The following SLC17A3 variants were observed in gnomAD, a reference collection of about 807,000 sequenced individuals.
The protein encoded by SLC17A3 is solute carrier family 17 member 3.
In SLC17A3, 61 loss-of-function variants were observed where a neutral mutation model predicts 60.3. The observed-to-expected ratio is 1.01, with a 90% CI of 0.82 to 1.25. SLC17A3 has a LOEUF of 1.25. Among genes scored for constraint, SLC17A3 ranks in the 50% most tolerant of loss-of-function variants. The probability of loss-of-function intolerance (pLI) is 0.00; values close to 1 mark genes in which losing one functional copy is unlikely to be tolerated. For synonymous variants in SLC17A3, 192 were observed against 208.9 expected (o/e 0.92, Z 0.70); for missense variants, 624 against 594.9 (o/e 1.05, Z -0.51).
At chr6:25,862,104 C>T in intron 3 of SLC17A3, 75 bp from the exon 4 acceptor site, 1 of 1,406,736 alleles carries the variant, frequency 7.1e-7, no homozygotes, top group South Asian at 1.3e-5. Context: ...CTCCTTTAGA[C>T]CTTTTGCTTG....
intron 6 of SLC17A3, among the ~76,000 whole-genome samples, chr6:25,854,004 G>T (rs562623750): frequency 3.9e-5 from 6 of 152,014 alleles, no homozygotes; most frequent in Admixed American, 6.5e-5. Context: ...AATATTTAGG[G>T]TATTTCCAGA....
chr6:25,855,128 G>A lies in SLC17A3; in HGVS notation c.712+16C>T. On this transcript the variant is annotated intron_variant, in intron 6 of 12. Coordinates refer to ENST00000397060, the MANE Select transcript of SLC17A3 (RefSeq NM_001098486.2). ...TCTGCATATGAAACTCAGGGAACTGGGAGATAGTAGCTTACCAAAGATATA... is the reference window on the plus strand; with the variant it reads ...TCTGCATATGAAACTCAGGGAACTGAGAGATAGTAGCTTACCAAAGATATA... 1.3e-6 allele frequency: 2 copies of A among 1,537,280 alleles called. No homozygotes were observed. The highest frequency in any genetic ancestry group is 1.1e-5 in the South Asian group (1 of 89,200).
chr6:25,845,814 T>G (rs1765165033), intron 11 of SLC17A3, among the ~76,000 whole-genome samples: 1 of 152,240 alleles, frequency 6.6e-6, no homozygotes, highest in African/African-American at 2.4e-5. Context: ...GAGAATCCTT[T>G]CAAGATTCTT....
rs376483140 is a variant in SLC17A3, at chr6:25,861,983, C to A, written c.350G>T (p.Gly117Val). 1 of 1,611,548 alleles carries A rather than the reference C, an allele frequency of 6.2e-7. No individual in the cohort carries two copies. The highest frequency in any genetic ancestry group is 1.7e-5 in the Admixed American group (1 of 59,640). Residue 117 changes from glycine (G) to valine (V), a missense_variant, in exon 4 of 13, where the codon GGT becomes GTT. Coordinates refer to ENST00000397060, the MANE Select transcript of SLC17A3 (RefSeq NM_001098486.2). Reference protein sequence around the residue: ...WSPQIQGIIFGAVGYGGILTM... With the variant: ...WSPQIQGIIFVAVGYGGILTM... The stretch of plus-strand genomic sequence containing the variant: ...CAGTATGCCACCATAGCCAACAGCA[C>A]CAAAGATGATGCCTTGGATTTGAGG...
intron 6 of SLC17A3, among the ~76,000 whole-genome samples, chr6:25,851,770 A>G (rs1765281734): frequency 6.6e-6 from 1 of 152,092 alleles, no homozygotes; most frequent in Admixed American, 6.5e-5. Context: ...TGTTTATGTC[A>G]ATACCACTCT....
At chr6:25,866,288 C>A (rs1765535197) in intron 2 of SLC17A3, among the ~76,000 whole-genome samples, 1 of 152,016 alleles carries the variant, frequency 6.6e-6, no homozygotes, top group South Asian at 2.1e-4. Flanking sequence ...CCTCTAAGAC[C>A]TGAGAATGGC....
At chr6:25,848,266 A>T (rs901995256) in intron 11 of SLC17A3, among the ~76,000 whole-genome samples, 2 of 152,244 alleles carry the variant, frequency 1.3e-5, no homozygotes, top group East Asian at 3.8e-4. Context: ...GAAACCCAGT[A>T]GTGGGATGGC....
chr6:25,860,685 C>T (rs1451200257), intron 5 of SLC17A3, among the ~76,000 whole-genome samples: 1 of 152,168 alleles, frequency 6.6e-6, no homozygotes, highest in Non-Finnish European at 1.5e-5. Context: ...TACTGAGATT[C>T]GTCTAGATAC....
At chr6:25,867,047 C>G (rs142521506) in intron 2 of SLC17A3, among the ~76,000 whole-genome samples, 1 of 151,958 alleles carries the variant, frequency 6.6e-6, no homozygotes, top group Non-Finnish European at 1.5e-5. Context: ...TTGAGCCCTA[C>G]CACCTCAAAA....
intron 5 of SLC17A3, 111 bp from the exon 6 acceptor site, chr6:25,855,341 G>A (rs746037024): frequency 2.5e-5 from 18 of 731,732 alleles, no homozygotes; most frequent in African/African-American, 1.8e-4. Flanking sequence ...ATAAGGAGAC[G>A]AGCATATTAG....
chr6:25,871,663 ACT>A (rs534979706), intron 1 of SLC17A3, among the ~76,000 whole-genome samples: 31 of 151,778 alleles, frequency 2.0e-4, no homozygotes, highest in African/African-American at 7.0e-4. Flanking sequence ...TAAAAAAAAG[ACT>A]CTGGGTTCTC....
At chr6:25,863,348 G>T (rs956303874) in intron 2 of SLC17A3, among the ~76,000 whole-genome samples, 2 of 152,060 alleles carry the variant, frequency 1.3e-5, no homozygotes, top group African/African-American at 2.4e-5. Context: ...GTGAGTAGAA[G>T]GTATCCTGGC....
Position 25,850,101 on chromosome 6 carries a change from A to G in SLC17A3, c.1070T>C (p.Leu357Pro). The G allele has an allele frequency of 6.2e-7, 1 of 1,613,990 alleles. No individual in the cohort carries two copies. The highest frequency in any genetic ancestry group is 2.2e-5 in the East Asian group (1 of 44,886). Residue 357 changes from leucine (L) to proline (P), a missense_variant, in exon 9 of 13, where the codon CTT becomes CCT. Transcript: ENST00000397060. Reference protein sequence around the residue: ...GMVGGYLADFLLTKKFRLITV... With the variant: ...GMVGGYLADFPLTKKFRLITV... The stretch of plus-strand genomic sequence containing the variant: ...GATGAGTCTAAACTTTTTGGTTAGA[A>G]GGAAATCTGCCAGATAGCCTCCCAC...
At chr6:25,855,256 T>C (rs772180340) in intron 5 of SLC17A3, 26 bp from the exon 6 acceptor site, 2 of 1,535,092 alleles carry the variant, frequency 1.3e-6, no homozygotes, top group African/African-American at 2.7e-5. Flanking sequence ...AAGTAAGCTG[T>C]GGGACTCTAG....
intron 5 of SLC17A3, among the ~76,000 whole-genome samples, chr6:25,858,532 A>G (rs1765396194): frequency 6.6e-6 from 1 of 151,850 alleles, no homozygotes; most frequent in Admixed American, 6.6e-5. Flanking sequence ...TTCTCAGAAC[A>G]TTTGCTGGCC....
chr6:25,856,094 T>G (rs543518411), intron 5 of SLC17A3, among the ~76,000 whole-genome samples: 1 of 152,320 alleles, frequency 6.6e-6, no homozygotes, highest in East Asian at 1.9e-4. Flanking sequence ...CTACGTGCAT[T>G]TTAAATTTTG....
intron 5 of SLC17A3, among the ~76,000 whole-genome samples, chr6:25,860,832 G>A (rs138412506): frequency 2.6e-5 from 4 of 152,106 alleles, no homozygotes; most frequent in Admixed American, 6.5e-5. Flanking sequence ...TTCTTGTGCT[G>A]TATTCTGAGA....
chr6:25,849,953 C>T lies in SLC17A3; in HGVS notation c.1124-1G>A. ...ATGAGTGCTGAAGAGGGGAGACTTC[C>T]TAGGAAATGAAGAAGAAACCAATTA... On this transcript the variant is annotated splice_acceptor_variant, in intron 9 of 12. Transcript: ENST00000397060. LOFTEE classifies it high-confidence loss of function. The T allele has an allele frequency of 6.2e-7, 1 of 1,613,836 alleles. No homozygotes were observed. Among genetic ancestry groups the T allele is most frequent in the Non-Finnish European group, 8.5e-7 (1 of 1,179,792 alleles).
intron 5 of SLC17A3, 110 bp from the exon 6 acceptor site, chr6:25,855,340 C>T (rs550058581): frequency 2.8e-5 from 21 of 746,116 alleles, no homozygotes; most frequent in East Asian, 8.1e-5. Context: ...CATAAGGAGA[C>T]GAGCATATTA....
Sources: allele counts gnomAD v4.1 joint callset (sites outside exome capture counted in the v4.1 genomes callset), GRCh38; gene constraint gnomAD v4.1.1; transcripts MANE v1.5; gene names NCBI Gene and HGNC (gene_info 2026-07-23, HGNC 2026-07-21).